The following C4orf51 variants were observed in gnomAD, a reference collection of about 807,000 sequenced individuals.
C4orf51 encodes the protein chromosome 4 open reading frame 51, also known as uncharacterized protein C4orf51.
A neutral mutation model predicts 25.2 loss-of-function variants in C4orf51; 25 were observed. The ratio of observed to expected loss-of-function variants is 0.99; its 90% CI spans 0.72 to 1.39. C4orf51 has a LOEUF of 1.39. C4orf51 is among the 40% of genes most tolerant of loss of function. The probability of loss-of-function intolerance (pLI) is 0.00; values close to 1 mark genes in which losing one functional copy is unlikely to be tolerated. For missense variants in C4orf51, 252 were observed against 239.6 expected (o/e 1.05, Z -0.34); for synonymous variants, 100 against 84.5 (o/e 1.18, Z -1.01).
At chr4:145,753,389 A>G (rs899061350) in intron 1 of C4orf51, among the ~76,000 whole-genome samples, 7 of 152,106 alleles carry the variant, frequency 4.6e-5, no homozygotes, top group African/African-American at 1.4e-4. Context: ...CATTCTTTAT[A>G]TATACATTCT....
Position 145,761,158 on chromosome 4 carries a change from C to T in C4orf51, n.167-9830C>T, listed in dbSNP as rs774606796. ...GCCGGCCGGTTCCTTGGGGGCTGGA[C>T]ACAGGCCCTTCTTGTCCTCCTCGGG... is the stretch of plus-strand genomic sequence containing the variant. On this transcript the variant is annotated intron_variant and non_coding_transcript_variant, in intron 1 of 1. Transcript: ENST00000510096. The surrounding 1 kb of genome is among the most constrained non-coding windows in gnomAD (Gnocchi z 6.8). 186 of 1,289,850 alleles carry T rather than the reference C, an allele frequency of 1.4e-4. No homozygotes were observed. The highest frequency in any genetic ancestry group is 1.8e-4 in the Non-Finnish European group (182 of 988,874). The allele number at this position is 1,289,850 out of a possible 1,614,324, so 79.9% of individuals were successfully genotyped here. A position where few individuals can be genotyped will look rare whatever the true frequency, so the allele number is the denominator to read the frequency against.
intron 1 of C4orf51, among the ~76,000 whole-genome samples, chr4:145,681,345 C>T (rs6847899): frequency 0.015 from 2,241 of 152,240 alleles, 50 homozygotes; most frequent in African/African-American, 0.051. Context: ...TATTTCCATC[C>T]AGACCTTTCC....
At chr4:145,768,913 ATATTAGG>A (rs1222600696) in intron 1 of C4orf51, among the ~76,000 whole-genome samples, 1 of 52,918 alleles carries the variant, frequency 1.9e-5, no homozygotes, top group Non-Finnish European at 3.9e-5. Flanking sequence ...ATATATATAT[ATATTAGG>A]TATACAAAGT....
At chr4:145,727,604 G>A (rs565587829) in intron 3 of C4orf51, among the ~76,000 whole-genome samples, 83 of 151,732 alleles carry the variant, frequency 5.5e-4, no homozygotes, top group Non-Finnish European at 9.9e-4. Context: ...GGCCGGGCAC[G>A]GTGGCTCATG....
At chr4:145,694,051 C>G in intron 1 of C4orf51, among the ~76,000 whole-genome samples, 2 of 141,894 alleles carry the variant, frequency 1.4e-5, no homozygotes, top group African/African-American at 2.6e-5. Flanking sequence ...AGAGACGCTC[C>G]TCACCTCCCA....
intron 2 of C4orf51, among the ~76,000 whole-genome samples, chr4:145,722,983 C>T (rs751596111): frequency 2.6e-5 from 4 of 152,076 alleles, no homozygotes; most frequent in African/African-American, 4.8e-5. Context: ...AGCTAGGGCC[C>T]GCACTGATTC....
intron 1 of C4orf51, among the ~76,000 whole-genome samples, chr4:145,693,510 C>G (rs1485764347): frequency 1.3e-5 from 2 of 152,132 alleles, no homozygotes; most frequent in Non-Finnish European, 2.9e-5. Flanking sequence ...CACAAAGCCG[C>G]CATTGTCATC....
chr4:145,753,821 C>G (rs1334909022), intron 1 of C4orf51, among the ~76,000 whole-genome samples: 2 of 152,188 alleles, frequency 1.3e-5, no homozygotes, highest in African/African-American at 4.8e-5. Context: ...GTGCACAACC[C>G]TCTCCAGTGG....
intron 1 of C4orf51, among the ~76,000 whole-genome samples, chr4:145,752,525 A>G (rs535504548): frequency 1.3e-3 from 191 of 152,294 alleles, no homozygotes; most frequent in African/African-American, 4.4e-3. Flanking sequence ...CCAAGTTACA[A>G]GACAAAGCCC....
chr4:145,717,220 A>G (rs995247494), intron 2 of C4orf51, among the ~76,000 whole-genome samples: 3 of 152,206 alleles, frequency 2.0e-5, no homozygotes, highest in African/African-American at 7.2e-5. Context: ...AGCGAAAGCA[A>G]TAATCTGCTA....
intron 3 of C4orf51, 144 bp from the exon 4 acceptor site, chr4:145,729,025 C>A: frequency 1.6e-6 from 1 of 635,398 alleles, no homozygotes; most frequent in Non-Finnish European, 2.8e-6. Flanking sequence ...GACTACACTG[C>A]ACTCACAGTG....
intron 1 of C4orf51, chr4:145,760,691 A>G (rs1579057833): frequency 1.0e-6 from 1 of 970,184 alleles, no homozygotes; most frequent in South Asian, 2.5e-5. Flanking sequence ...AGCAACATAC[A>G]CCTGCTGGGG....
chr4:145,780,130 G>A, the C4orf51 span, among the ~76,000 whole-genome samples: 7 of 152,320 alleles, frequency 4.6e-5, no homozygotes, highest in African/African-American at 1.7e-4. Flanking sequence ...GGCGGAGGTT[G>A]CAGTGAGCTG....
chr4:145,765,481 T>C lies in C4orf51; in HGVS notation n.167-5507T>C. On this transcript the variant is annotated intron_variant and non_coding_transcript_variant, in intron 1 of 1. Transcript: ENST00000510096. This position sits in a 1 kb window ranked among gnomAD's most constrained non-coding sequence, Gnocchi z 4.7. ...TTTGACATCGCTCCTGTGCAGGGCTTATTCTCAAGAATGGGTCATCCTGGG... is the reference window on the plus strand; with the variant it reads ...TTTGACATCGCTCCTGTGCAGGGCTCATTCTCAAGAATGGGTCATCCTGGG... 1.3e-6 allele frequency: 2 copies of C among 1,533,778 alleles called. No individual in the cohort carries two copies. The highest frequency in any genetic ancestry group is 1.8e-6 in the Non-Finnish European group (2 of 1,138,978).
chr4:145,708,687 C>T (rs768382236), intron 2 of C4orf51, among the ~76,000 whole-genome samples: 3 of 152,220 alleles, frequency 2.0e-5, no homozygotes, highest in Non-Finnish European at 2.9e-5. Flanking sequence ...ATACCCCTAA[C>T]CTTGCCTTCA....
intron 2 of C4orf51, among the ~76,000 whole-genome samples, chr4:145,718,595 A>C (rs181991354): frequency 6.6e-6 from 1 of 152,328 alleles, no homozygotes; most frequent in South Asian, 2.1e-4. Context: ...AACACAATCT[A>C]TTCTCCACAG....
At chr4:145,746,184 G>C (rs1267815002) in intron 1 of C4orf51, among the ~76,000 whole-genome samples, 1 of 54,922 alleles carries the variant, frequency 1.8e-5, no homozygotes, top group Non-Finnish European at 6.5e-5. Context: ...TCTTCACTTT[G>C]TTTGTTTCCT....
At chr4:145,721,050 A>T (rs76442102) in intron 2 of C4orf51, among the ~76,000 whole-genome samples, 3 of 152,114 alleles carry the variant, frequency 2.0e-5, no homozygotes, top group Admixed American at 1.3e-4. Flanking sequence ...TTTAAACTAC[A>T]GGAAGAAAAA....
chr4:145,738,808 T>A (rs1252102575), intron 1 of C4orf51, among the ~76,000 whole-genome samples: 1 of 151,870 alleles, frequency 6.6e-6, no homozygotes, highest in African/African-American at 2.4e-5. Flanking sequence ...CCCGACTAAT[T>A]TTTTGTATTT....
Sources: allele counts gnomAD v4.1 joint callset (sites outside exome capture counted in the v4.1 genomes callset), GRCh38; gene constraint gnomAD v4.1.1; non-coding constraint Gnocchi (gnomAD v3.1); transcripts MANE v1.5; gene names NCBI Gene and HGNC (gene_info 2026-07-23, HGNC 2026-07-21).